The following SIPA1L1 variants were observed in gnomAD, a reference collection of about 807,000 sequenced individuals.
SIPA1L1 encodes signal induced proliferation associated 1 like 1.
SIPA1L1 carries 26 observed loss-of-function variants against 162.7 expected under a neutral mutation model. The ratio of observed to expected loss-of-function variants is 0.16; its 90% CI spans 0.12 to 0.22. The LOEUF (loss-of-function observed/expected upper bound fraction) is 0.22, where lower values mean the gene tolerates loss of function less well. Ranked by LOEUF, SIPA1L1 falls within the 10% of genes least tolerant of loss-of-function variation. SIPA1L1 has a pLI of 1.00. For missense variants in SIPA1L1, 1,874 were observed against 2,241.0 expected, an observed-to-expected ratio of 0.84 and a Z score of 3.31; for synonymous variants, 829 against 837.4, an observed-to-expected ratio of 0.99 and a Z score of 0.17.
At chr14:71,486,866 A>T (rs1403697078) in intron 2 of SIPA1L1, among the ~76,000 whole-genome samples, 1 of 152,208 alleles carries the variant, frequency 6.6e-6, no homozygotes, top group Middle Eastern at 3.2e-3. Context: ...ATTACGTGCT[A>T]CAAATTAATA....
intron 2 of SIPA1L1, among the ~76,000 whole-genome samples, chr14:71,429,515 T>C (rs1425468231): frequency 6.6e-6 from 1 of 152,200 alleles, no homozygotes; most frequent in Non-Finnish European, 1.5e-5. Flanking sequence ...ATTTTTTTTT[T>C]CTTCATTTTT....
At chr14:71,545,373 G>A (rs926544399) in intron 4 of SIPA1L1, among the ~76,000 whole-genome samples, 1 of 152,150 alleles carries the variant, frequency 6.6e-6, no homozygotes, top group African/African-American at 2.4e-5. Flanking sequence ...CAGCAGTGTT[G>A]TGTAGTTTTC....
At position 71,719,755 on chromosome 14, in the gene SIPA1L1, G is replaced by A. The variant is rs146242475; in HGVS notation, c.4209-3892G>A. Among the ~76,000 whole-genome samples, 1,118 of 152,290 alleles carry A rather than the reference G, an allele frequency of 7.3e-3. 12 individuals carry two copies. Among genetic ancestry groups the A allele is most frequent in the Non-Finnish European group, 8.7e-3 (594 of 68,016 alleles). ...TGATCTGCCTGCCTTGGCCCCCAAA[G>A]TGCTGGGATTACAGACATGAGACAC... On this transcript the variant is annotated intron_variant, in intron 17 of 23. Transcript: ENST00000381232.
At chr14:71,675,016 T>G (rs1189750652) in intron 12 of SIPA1L1, among the ~76,000 whole-genome samples, 1 of 152,248 alleles carries the variant, frequency 6.6e-6, no homozygotes, top group African/African-American at 2.4e-5. Context: ...GAATCAGCAG[T>G]GATGTGCTGG....
rs150726738 is a variant in SIPA1L1, at chr14:71,702,560, A to T, written c.3646+55A>T. On this transcript the variant is annotated intron_variant, in intron 15 of 23. Transcript: ENST00000381232. The stretch of plus-strand genomic sequence containing the variant: ...TTGCTTTTACAAGGTGACTTAGGTC[A>T]CCTCTTGATGATGTTATCAAAACAT... The T allele has an allele frequency of 9.9e-6, 15 of 1,516,790 alleles. No homozygotes were observed. In the East Asian group the frequency reaches 2.7e-4, roughly 28 times the overall value. 94.0% of individuals were successfully genotyped at this position (1,516,790 alleles called of 1,614,324 possible). A position where few individuals can be genotyped will look rare whatever the true frequency, so the allele number is the denominator to read the frequency against.
intron 7 of SIPA1L1, among the ~76,000 whole-genome samples, chr14:71,640,219 T>C (rs750500461): frequency 5.8e-4 from 88 of 152,298 alleles, no homozygotes; most frequent in Non-Finnish European, 9.8e-4. Flanking sequence ...ACCTTGACTT[T>C]TAAGCATCAA....
In SIPA1L1 at chr14:71,624,235, G is replaced by C; in HGVS notation, c.1817G>C (p.Gly606Ala). The change falls in exon 7 of 24, where the codon GGG becomes GCG. Residue 606 changes from glycine (G) to alanine (A), a missense_variant and splice_region_variant. Gly to Ala is a moderately conservative substitution (Grantham distance 60). This residue lies in a region of SIPA1L1 where 685 missense variants were observed against 828.0 expected (regional missense o/e 0.83). Transcript: ENST00000381232. The stretch of plus-strand genomic sequence containing the variant: ...CAGCTCATGAAACTGGATGAACAAG[G>C]GGTGAGTTTGCCTTTCTGAGGAGAG... ...TEQLMKLDEQGLNYQQKVGIM... is the reference protein window; with the variant it reads ...TEQLMKLDEQALNYQQKVGIM... 1 of 1,607,468 alleles carries C rather than the reference G, an allele frequency of 6.2e-7. No individual in the cohort carries two copies. Among genetic ancestry groups the C allele is most frequent in the Non-Finnish European group, 8.5e-7 (1 of 1,175,682 alleles).
intron 8 of SIPA1L1, among the ~76,000 whole-genome samples, chr14:71,657,818 C>T (rs118084782): frequency 1.4e-3 from 208 of 151,954 alleles, no homozygotes; most frequent in Non-Finnish European, 2.5e-3. Context: ...TTCACTGACC[C>T]CAAGTTGAAA....
intron 13 of SIPA1L1, among the ~76,000 whole-genome samples, chr14:71,686,878 C>A (rs1471647030): frequency 6.6e-6 from 1 of 152,170 alleles, no homozygotes; most frequent in Non-Finnish European, 1.5e-5. Context: ...AAAACATGAG[C>A]CTGACTCATC....
intron 5 of SIPA1L1, among the ~76,000 whole-genome samples, chr14:71,615,729 C>T (rs1297076188): frequency 2.6e-5 from 4 of 152,112 alleles, no homozygotes; most frequent in Non-Finnish European, 2.9e-5. Context: ...GGCTTTGGCC[C>T]GGCACAGTGG....
chr14:71,442,571 A>C (rs948339965), intron 2 of SIPA1L1, among the ~76,000 whole-genome samples: 1 of 152,042 alleles, frequency 6.6e-6, no homozygotes, highest in Non-Finnish European at 1.5e-5. Context: ...TTTTGTCTAT[A>C]AATATTAAGT....
At chr14:71,592,035 C>T (rs1405535746) in intron 5 of SIPA1L1, among the ~76,000 whole-genome samples, 2 of 152,182 alleles carry the variant, frequency 1.3e-5, no homozygotes, top group African/African-American at 4.8e-5. Flanking sequence ...TCTTTGTCAG[C>T]ATGAGGTCCA....
chr14:71,552,149 C>T (rs2055899476), intron 4 of SIPA1L1, among the ~76,000 whole-genome samples: 1 of 151,944 alleles, frequency 6.6e-6, no homozygotes, highest in Admixed American at 6.6e-5. Flanking sequence ...AGAACAAGGG[C>T]CAGAAAATAT....
intron 4 of SIPA1L1, among the ~76,000 whole-genome samples, chr14:71,557,894 A>T (rs770753225): frequency 4.6e-5 from 7 of 152,208 alleles, no homozygotes; most frequent in African/African-American, 9.6e-5. Context: ...TTGAAGTGAA[A>T]ATGCTTCCAA....
chr14:71,434,887 A>G (rs1424000832), intron 2 of SIPA1L1, among the ~76,000 whole-genome samples: 1 of 152,196 alleles, frequency 6.6e-6, no homozygotes, highest in African/African-American at 2.4e-5. Context: ...AGCAATATGT[A>G]TGCTTCGTAG....
intron 2 of SIPA1L1, chr14:71,398,453 A>T (rs1415870711): frequency 1.3e-5 from 2 of 152,258 alleles, no homozygotes; most frequent in Non-Finnish European, 2.9e-5. Flanking sequence ...TACCGTACTC[A>T]CTTAAACTAC....
intron 5 of SIPA1L1, among the ~76,000 whole-genome samples, chr14:71,615,682 G>C (rs558238266): frequency 1.3e-5 from 2 of 152,240 alleles, no homozygotes; most frequent in East Asian, 3.9e-4. Context: ...GATGTGCGTG[G>C]GACAAACGGT....
chr14:71,458,765 T>C (rs1312663195), intron 2 of SIPA1L1, among the ~76,000 whole-genome samples: 1 of 152,030 alleles, frequency 6.6e-6, no homozygotes, highest in African/African-American at 2.4e-5. Flanking sequence ...TCACTACCGG[T>C]GTCTGAGGCT....
chr14:71,615,191 A>AT (rs975212804), intron 5 of SIPA1L1, among the ~76,000 whole-genome samples: 1 of 152,176 alleles, frequency 6.6e-6, no homozygotes, highest in African/African-American at 2.4e-5. Context: ...TTCTCAGCAG[A>AT]TTTTTTTCAG....
Sources: gnomAD v4.1 joint callset for allele counts (sites outside exome capture counted in the v4.1 genomes callset) on GRCh38, gnomAD v4.1.1 for gene constraint, gnomAD v4.1.1 regional missense constraint, MANE v1.5 for transcripts, NCBI Gene and HGNC (gene_info 2026-07-23, HGNC 2026-07-21) for gene names.